PCDHGA2: variants seen among roughly 807,000 people sequenced by gnomAD.
PCDHGA2 encodes the protein protocadherin gamma-A2.
A neutral mutation model predicts 59.2 loss-of-function variants in PCDHGA2; 40 were observed. That is an observed-to-expected ratio of 0.68 (90% CI 0.52 to 0.88). The LOEUF is 0.88. Ranked by LOEUF, PCDHGA2 falls within the 40% of genes least tolerant of loss-of-function variation. PCDHGA2 has a pLI of 0.00. For missense variants in PCDHGA2, 1,226 were observed against 1,204.0 expected (o/e 1.02, Z -0.27); for synonymous variants, 560 against 526.0 (o/e 1.06, Z -0.89).
intron 2 of PCDHGA2, among the ~76,000 whole-genome samples, chr5:141,499,146 C>T (rs1415999012): frequency 1.3e-5 from 2 of 152,132 alleles, no homozygotes; most frequent in African/African-American, 4.8e-5. Flanking sequence ...GTGTCTGATC[C>T]CAATAGCTGT....
intron 1 of PCDHGA2, among the ~76,000 whole-genome samples, chr5:141,400,862 A>C (rs1239905125): frequency 6.6e-6 from 1 of 152,224 alleles, no homozygotes; most frequent in African/African-American, 2.4e-5. Context: ...TTGTATGTAG[A>C]TAAACCATTA....
At chr5:141,374,208 G>C in intron 1 of PCDHGA2, 1 of 1,613,952 alleles carries the variant, frequency 6.2e-7, no homozygotes, top group Non-Finnish European at 8.5e-7. Context: ...CTGGAGAAAG[G>C]CTCCTTCGTA....
chr5:141,377,364 A>C (rs1163264209), intron 1 of PCDHGA2: 2 of 152,154 alleles, frequency 1.3e-5, no homozygotes, highest in Non-Finnish European at 2.9e-5. Flanking sequence ...CCACCTCTTC[A>C]GGAGGCTGAG....
chr5:141,476,421 C>G lies in PCDHGA2; in HGVS notation c.2425-18386C>G. 1 of 1,614,026 alleles carries G rather than the reference C, an allele frequency of 6.2e-7. No homozygotes were observed. Among genetic ancestry groups the G allele is most frequent in the South Asian group, 1.1e-5 (1 of 91,066 alleles). On this transcript the variant is annotated intron_variant, in intron 1 of 3. Transcript: ENST00000394576. The surrounding 1 kb of genome is among the most constrained non-coding windows in gnomAD (Gnocchi z 7.6). ...CGAGAGGAGCTGTGTGGGACACTGC[C>G]CTCTTGCACTGTAACTCTGGAGTTG...
rs139922013 is a variant in PCDHGA2 at position 141,340,960 on chromosome 5, C to T, written c.1989C>T (p.Ala663=). 743 of 1,613,890 alleles carry T rather than the reference C, an allele frequency of 4.6e-4. No homozygotes were observed. The highest frequency in any genetic ancestry group is 7.8e-4 in the Admixed American group (47 of 60,016). The change falls in exon 1 of 4, where the codon GCC becomes GCT. Residue 663 remains alanine, a synonymous_variant. Coordinates refer to ENST00000394576, the MANE Select transcript of PCDHGA2 (RefSeq NM_018915.4). ...CCGCCACTGTCACGCTCACCGTGGC[C>T]GTGGCCGACAGGATCCCCGACATCC... ...PLSATVTLTV[A]VADRIPDILA...
chr5:141,427,924 G>T, intron 1 of PCDHGA2: 1 of 1,580,140 alleles, frequency 6.3e-7, no homozygotes, highest in Non-Finnish European at 8.7e-7. Flanking sequence ...ATGAGCCGGC[G>T]CATGTTGGTG....
intron 1 of PCDHGA2, chr5:141,365,528 A>G: frequency 1.2e-6 from 2 of 1,613,854 alleles, no homozygotes; most frequent in Non-Finnish European, 1.7e-6. Flanking sequence ...GTCAGTTGAT[A>G]ATTACTATCA....
rs1554073405 is a variant in PCDHGA2 at position 141,347,137 on chromosome 5, C to CTT, written c.2424+5743_2424+5744insTT. The stretch of plus-strand genomic sequence containing the variant: ...CTCCTTCCTTCCTTCCTCTGTTTCT[C>CTT]TCTTTCTTTCTTTCTTTCTTTCTTT... On this transcript the variant is annotated intron_variant, in intron 1 of 3. Transcript: ENST00000394576. Among the ~76,000 whole-genome samples the CTT allele has an allele frequency of 7.9e-5, 9 of 113,834 alleles. No individual in the cohort carries two copies. The South Asian group carries it at 9.4e-4, about 12-fold the overall frequency. 74.7% of individuals were successfully genotyped at this position (113,834 alleles called of 152,430 possible).
At position 141,403,513 on chromosome 5, in the gene PCDHGA2, T is replaced by G. The variant is rs754840157; in HGVS notation, c.2424+62118T>G. ...CCCTGAACGTGCAGACTGGAGACAATGGAGCCATAAACCCAGAGCTGGTGC... is the reference window on the plus strand; with the variant it reads ...CCCTGAACGTGCAGACTGGAGACAAGGGAGCCATAAACCCAGAGCTGGTGC... On this transcript the variant is annotated intron_variant, in intron 1 of 3. Coordinates refer to ENST00000394576, the MANE Select transcript of PCDHGA2 (RefSeq NM_018915.4). 8.1e-5 allele frequency: 131 copies of G among 1,613,832 alleles called. 1 individual carries two copies. In the African/African-American group the frequency reaches 1.2e-3, roughly 15 times the overall value.
At position 141,491,682 on chromosome 5, in the gene PCDHGA2, G is replaced by A. The variant is rs11952292; in HGVS notation, c.2425-3125G>A. The A allele has an allele frequency of 1.9e-6, 3 of 1,613,150 alleles. No individual in the cohort carries two copies. Among genetic ancestry groups the A allele is most frequent in the South Asian group, 1.1e-5 (1 of 91,046 alleles). On this transcript the variant is annotated intron_variant, in intron 1 of 3. Coordinates refer to ENST00000394576, the MANE Select transcript of PCDHGA2 (RefSeq NM_018915.4). The surrounding 1 kb of genome is among the most constrained non-coding windows in gnomAD (Gnocchi z 6.9). Reference sequence around the variant, plus strand: ...ACGCCATCCGGTCCCGCTCTAATACGCTGCGGGAGCGGAGCCAGGTGAGGG... The same window carrying A: ...ACGCCATCCGGTCCCGCTCTAATACACTGCGGGAGCGGAGCCAGGTGAGGG...
At chr5:141,426,517 A>G (rs893782433) in intron 1 of PCDHGA2, 5 of 343,020 alleles carry the variant, frequency 1.5e-5, no homozygotes, top group African/African-American at 2.1e-5. Context: ...CTTTACCGTG[A>G]ACACGGAGAA....
At chr5:141,345,351 C>T in intron 1 of PCDHGA2, 4 of 1,613,988 alleles carry the variant, frequency 2.5e-6, no homozygotes, top group Non-Finnish European at 3.4e-6. Context: ...TCACATCACC[C>T]TGCATGTGAT....
At chr5:141,392,063 A>G (rs2092459837) in intron 1 of PCDHGA2, 1 of 152,218 alleles carries the variant, frequency 6.6e-6, no homozygotes, top group African/African-American at 2.4e-5. Context: ...TATTATCGAC[A>G]TGTAATTCAA....
chr5:141,505,558 C>A (rs945428797), intron 3 of PCDHGA2, 77 bp downstream of exon 3: 1 of 1,605,016 alleles, frequency 6.2e-7, no homozygotes, highest in African/African-American at 1.3e-5. Context: ...ACCATGCCCA[C>A]GGACTGGATG....
At chr5:141,492,933 A>G (rs935580560) in intron 1 of PCDHGA2, among the ~76,000 whole-genome samples, 3 of 152,194 alleles carry the variant, frequency 2.0e-5, no homozygotes, top group Admixed American at 6.5e-5. Flanking sequence ...CTAGGGTCAG[A>G]GATTTGGAGG....
In PCDHGA2 at chr5:141,339,972, T is replaced by C. The variant is rs1047514152; in HGVS notation, c.1001T>C (p.Ile334Thr). ...GPGLLTRAKV[I>T]VTVLDVNDNA... ...GGCCTTCTAACCAGAGCGAAGGTTA[T>C]CGTCACGGTTCTGGATGTGAATGAC... The change falls in exon 1 of 4, where the codon ATC becomes ACC. Residue 334 changes from isoleucine (I) to threonine (T), a missense_variant. Coordinates refer to ENST00000394576, the MANE Select transcript of PCDHGA2 (RefSeq NM_018915.4). The C allele has an allele frequency of 1.2e-6, 2 of 1,614,166 alleles. No individual in the cohort carries two copies. The highest frequency in any genetic ancestry group is 2.7e-5 in the African/African-American group (2 of 75,040).
In PCDHGA2 at chr5:141,486,194, C is replaced by A. The variant is rs1248456800; in HGVS notation, c.2425-8613C>A. The A allele has an allele frequency of 6.2e-7, 1 of 1,614,196 alleles. No individual in the cohort carries two copies. Among genetic ancestry groups the A allele is most frequent in the Non-Finnish European group, 8.5e-7 (1 of 1,180,026 alleles). ...ACATTGCAGCCTTCGAGTGGATCTG[C>A]TGGACGTAAATGACAATGCCCCTTA... On this transcript the variant is annotated intron_variant, in intron 1 of 3. Transcript: ENST00000394576. The surrounding 1 kb of genome is among the most constrained non-coding windows in gnomAD (Gnocchi z 5.0).
intron 1 of PCDHGA2, among the ~76,000 whole-genome samples, chr5:141,454,829 A>T (rs2098803417): frequency 1.4e-5 from 1 of 70,192 alleles, no homozygotes. Context: ...TTTTTTTGAG[A>T]CAGAGTCGCG....
intron 1 of PCDHGA2, chr5:141,433,149 C>A (rs758972664): frequency 1.2e-6 from 2 of 1,613,856 alleles, no homozygotes; most frequent in Non-Finnish European, 1.7e-6. Context: ...TCAGGTGATT[C>A]GGTATTTTCT....
Sources: gnomAD v4.1 joint callset for allele counts (sites outside exome capture counted in the v4.1 genomes callset) on GRCh38, gnomAD v4.1.1 for gene constraint, Gnocchi (gnomAD v3.1) non-coding constraint, MANE v1.5 for transcripts, NCBI Gene and HGNC (gene_info 2026-07-23, HGNC 2026-07-21) for gene names.